Variants in TBX15 observed in about 807,000 individuals in gnomAD.
TBX15 encodes T-box transcription factor 15.
Under a neutral mutation model 53.9 loss-of-function variants are expected in TBX15, and 18 were observed. The ratio of observed to expected loss-of-function variants is 0.33; its 90% confidence interval spans 0.23 to 0.49. The LOEUF (loss-of-function observed/expected upper bound fraction) is 0.49. TBX15 is among the 20% of genes least tolerant of loss of function. The pLI, the probability that TBX15 is intolerant of heterozygous loss-of-function variation, is 0.98. For missense variants in TBX15, 692 were observed against 749.5 expected (o/e 0.92, Z 0.90); for synonymous variants, 295 against 278.0 (o/e 1.06, Z -0.61).
At chr1:118,912,501 A>G (rs1655056974) in intron 6 of TBX15, among the ~76,000 whole-genome samples, 1 of 152,130 alleles carries the variant, frequency 6.6e-6, no homozygotes, top group African/African-American at 2.4e-5. Flanking sequence ...CCTGTCATGA[A>G]AGTCCTGCCC....
intron 1 of TBX15, among the ~76,000 whole-genome samples, chr1:118,948,038 T>A (rs1656399127): frequency 6.6e-6 from 1 of 152,046 alleles, no homozygotes. Flanking sequence ...AGCAGCCAAG[T>A]GTGCTGACCA....
intron 1 of TBX15, among the ~76,000 whole-genome samples, chr1:118,963,271 C>G (rs1252140508): frequency 6.6e-6 from 1 of 152,198 alleles, no homozygotes; most frequent in African/African-American, 2.4e-5. Context: ...ATTTAGGACA[C>G]TGTTTTATCT....
upstream of TBX15, among the ~76,000 whole-genome samples, chr1:118,989,202 C>G (rs1041142739): frequency 1.3e-5 from 2 of 152,238 alleles, no homozygotes; most frequent in Non-Finnish European, 2.9e-5. Context: ...AAATTCCCTG[C>G]AAATCCCGTT....
At chr1:118,940,264 G>C (rs1656128564) in intron 1 of TBX15, among the ~76,000 whole-genome samples, 2 of 151,890 alleles carry the variant, frequency 1.3e-5, no homozygotes, top group Non-Finnish European at 2.9e-5. Flanking sequence ...GAATATTTTA[G>C]CTCTCTTCAT....
rs1655496897 is a variant in TBX15, at chr1:118,923,540, T to C, written c.757A>G (p.Ser253Gly). Residue 253 changes from serine (S) to glycine (G), a missense_variant, in exon 5 of 8, where the codon AGT becomes GGT. Around this residue, in one of 3 missense-constraint regions of TBX15, gnomAD observed 307 missense variants for 347.5 expected, o/e 0.88. Transcript: ENST00000369429. Reference protein sequence around the residue: ...RVHVIRKDFSSDLSPTKPVPV... With the variant: ...RVHVIRKDFSGDLSPTKPVPV... ...ACAGGCTTAGTGGGTGAAAGGTCAC[T>C]GCTGAAGTCTTTGCGAATCACATGA... 4 of 1,613,936 alleles carry C rather than the reference T, an allele frequency of 2.5e-6. No individual in the cohort carries two copies. The highest frequency in any genetic ancestry group is 1.3e-5 in the African/African-American group (1 of 74,924).
intron 5 of TBX15, among the ~76,000 whole-genome samples, chr1:118,915,438 AAG>A (rs529756496): frequency 1.8e-3 from 269 of 152,334 alleles, no homozygotes; most frequent in Non-Finnish European, 3.2e-3. Context: ...TCTGACTTGA[AAG>A]AGTCTTCCAG....
At chr1:118,954,410 A>G (rs528135670) in intron 1 of TBX15, among the ~76,000 whole-genome samples, 2 of 152,338 alleles carry the variant, frequency 1.3e-5, no homozygotes, top group South Asian at 4.1e-4. Context: ...GTCATCATCT[A>G]TCATGAGCCA....
intron 1 of TBX15, among the ~76,000 whole-genome samples, 165 bp from the exon 2 acceptor site, chr1:118,931,997 T>G (rs188146808): frequency 2.6e-5 from 4 of 152,284 alleles, no homozygotes; most frequent in African/African-American, 9.6e-5. Flanking sequence ...TATTTTATTA[T>G]TTTTTATGGT....
intron 1 of TBX15, among the ~76,000 whole-genome samples, chr1:118,941,744 G>A (rs1656183590): frequency 1.3e-5 from 2 of 152,116 alleles, no homozygotes; most frequent in Admixed American, 1.3e-4. Flanking sequence ...TAGGGAGAGA[G>A]GATAGGTCCA....
chr1:118,887,958 G>T (rs1571144962), intron 7 of TBX15, among the ~76,000 whole-genome samples: 1 of 152,118 alleles, frequency 6.6e-6, no homozygotes, highest in South Asian at 2.1e-4. Context: ...AATTTCAAAA[G>T]AATTCCCCCC....
intron 1 of TBX15, among the ~76,000 whole-genome samples, chr1:118,961,274 G>A (rs1571207793): frequency 6.6e-6 from 1 of 152,284 alleles, no homozygotes; most frequent in Middle Eastern, 3.4e-3. Context: ...GCAGAGAATG[G>A]TGTTTATTCA....
At chr1:118,962,106 AC>A (rs1656896446) in intron 1 of TBX15, among the ~76,000 whole-genome samples, 1 of 152,228 alleles carries the variant, frequency 6.6e-6, no homozygotes, top group African/African-American at 2.4e-5. Context: ...ATCCTAGCCA[AC>A]AAAATTTCTT....
intron 7 of TBX15, among the ~76,000 whole-genome samples, chr1:118,893,525 AGAAG>A (rs1276683484): frequency 1.3e-3 from 164 of 130,468 alleles, no homozygotes; most frequent in South Asian, 2.0e-3. Flanking sequence ...AAAGAAAGAA[AGAAG>A]GAAAGAAAGA....
rs1211513596 is a variant in TBX15, at chr1:118,959,374, G to A, written c.206-27542C>T. 4.6e-5 allele frequency among the ~76,000 whole-genome samples: 7 copies of A among 152,352 alleles called. No homozygotes were observed. The East Asian group carries it at 1.2e-3, about 25-fold the overall frequency. On this transcript the variant is annotated intron_variant, in intron 1 of 7. Transcript: ENST00000369429. ...GGCAGACAGCTGTGTTCTGCCAGGTGTTCAAGGCTTCTGCAGCTGAACATG... is the reference window on the plus strand; with the variant it reads ...GGCAGACAGCTGTGTTCTGCCAGGTATTCAAGGCTTCTGCAGCTGAACATG...
Position 118,899,054 on chromosome 1 carries a change from T to A in TBX15, c.998A>T (p.Asp333Val). The A allele has an allele frequency of 6.2e-7, 1 of 1,613,614 alleles. No homozygotes were observed. The highest frequency in any genetic ancestry group is 8.5e-7 in the Non-Finnish European group (1 of 1,179,712). The change falls in exon 7 of 8, where the codon GAC (aspartate) becomes GTC (valine). Residue 333 changes from aspartate (D) to valine (V), a missense_variant. Asp to Val is a radical substitution (Grantham distance 152). Coordinates refer to ENST00000369429, the MANE Select transcript of TBX15 (RefSeq NM_001330677.2). ...RPPVRTLTFE[D>V]FTTMQKQQGG... ...TTGCTGCTTCTGCATGGTGGTGAAG[T>A]CTTCGAAGGTGAGTGTGCGCACAGG... is the stretch of plus-strand genomic sequence containing the variant.
intron 1 of TBX15, among the ~76,000 whole-genome samples, chr1:118,954,958 T>C (rs1355693337): frequency 6.6e-6 from 1 of 152,124 alleles, no homozygotes; most frequent in Non-Finnish European, 1.5e-5. Flanking sequence ...AGAATTACAA[T>C]ATGTCAAGCT....
intron 7 of TBX15, among the ~76,000 whole-genome samples, chr1:118,894,645 CT>C (rs1243311866): frequency 6.6e-6 from 1 of 151,540 alleles, no homozygotes; most frequent in Non-Finnish European, 1.5e-5. Context: ...GATTTAAGAA[CT>C]TAGTAATGGT....
rs181410745 is a variant in TBX15 at position 118,965,478 on chromosome 1, G to A, written c.205+22113C>T. ...GGAAAATGGGCTGTCATACACTGTG[G>A]GTGGAAGTGTAAATTGAACAACCTT... On this transcript the variant is annotated intron_variant, in intron 1 of 7. Coordinates refer to ENST00000369429, the MANE Select transcript of TBX15 (RefSeq NM_001330677.2). 2.2e-4 allele frequency among the ~76,000 whole-genome samples: 33 copies of A among 152,292 alleles called. No homozygotes were observed. The East Asian group carries it at 4.6e-3, about 21-fold the overall frequency.
chr1:118,986,751 G>A (rs957686368), intron 1 of TBX15, among the ~76,000 whole-genome samples: 1 of 152,210 alleles, frequency 6.6e-6, no homozygotes, highest in African/African-American at 2.4e-5. Flanking sequence ...AAACCAAGTT[G>A]CGAGCGTTGT....
Sources: allele counts gnomAD v4.1 joint callset (sites outside exome capture counted in the v4.1 genomes callset), GRCh38; gene constraint gnomAD v4.1.1; regional missense constraint gnomAD v4.1.1; transcripts MANE v1.5; gene names NCBI Gene and HGNC (gene_info 2026-07-23, HGNC 2026-07-21).